The following ACER3 variants were observed in gnomAD, a reference collection of about 807,000 sequenced individuals.
ACER3 encodes the protein alkaline ceramidase 3.
In ACER3, 16 loss-of-function variants were observed where a neutral mutation model predicts 48.9. That is an observed-to-expected ratio of 0.33 (90% confidence interval 0.22 to 0.50). The LOEUF is 0.50. Ranked by LOEUF, ACER3 falls within the 20% of genes least tolerant of loss-of-function variation. ACER3 has a pLI of 0.98. For missense variants in ACER3, 227 were observed against 326.0 expected (o/e 0.70, Z 2.34); for synonymous variants, 109 against 107.8 (o/e 1.01, Z -0.07).
chr11:76,881,224 C>T (rs867531081), intron 1 of ACER3, among the ~76,000 whole-genome samples: 66 of 149,214 alleles, frequency 4.4e-4, no homozygotes, highest in African/African-American at 7.7e-4. Context: ...CACTGCACTC[C>T]GGCCTGGATG....
chr11:76,986,399 G>C (rs140186721), intron 5 of ACER3, among the ~76,000 whole-genome samples: 398 of 152,326 alleles, frequency 2.6e-3, no homozygotes, highest in Non-Finnish European at 4.3e-3. Context: ...TCATGCATGA[G>C]TCAAGGAAAG....
chr11:77,001,269 T>C (rs1238515123), intron 7 of ACER3, among the ~76,000 whole-genome samples: 1 of 152,198 alleles, frequency 6.6e-6, no homozygotes, highest in Non-Finnish European at 1.5e-5. Context: ...TTTTTTGCTT[T>C]TTTTGAGACA....
chr11:76,882,664 C>G (rs1945558926), intron 1 of ACER3, among the ~76,000 whole-genome samples: 1 of 152,140 alleles, frequency 6.6e-6, no homozygotes, highest in African/African-American at 2.4e-5. Context: ...AACCATTTTC[C>G]TGGTTCTTCA....
intron 3 of ACER3, among the ~76,000 whole-genome samples, chr11:76,965,278 C>T (rs549540100): frequency 8.6e-5 from 13 of 151,254 alleles, no homozygotes; most frequent in South Asian, 4.1e-4. Flanking sequence ...TAAAAAGAAA[C>T]GAACAAAGCC....
intron 1 of ACER3, among the ~76,000 whole-genome samples, chr11:76,886,355 G>A (rs982806829): frequency 6.6e-6 from 1 of 152,192 alleles, no homozygotes; most frequent in Non-Finnish European, 1.5e-5. Context: ...GTAGACCATG[G>A]TAAAGAGATT....
chr11:76,878,761 C>T (rs1403195968), intron 1 of ACER3, among the ~76,000 whole-genome samples: 2 of 152,200 alleles, frequency 1.3e-5, no homozygotes, highest in Non-Finnish European at 2.9e-5. Flanking sequence ...TTTTTCTCCA[C>T]AGTGATGTAT....
At chr11:76,979,816 G>T (rs1948540120) in intron 4 of ACER3, among the ~76,000 whole-genome samples, 1 of 147,722 alleles carries the variant, frequency 6.8e-6, no homozygotes, top group South Asian at 2.2e-4. Context: ...AAATGAGTGT[G>T]ACTATGTTCC....
At chr11:76,866,736 T>C (rs57505872) in intron 1 of ACER3, among the ~76,000 whole-genome samples, 16,495 of 152,220 alleles carry the variant, frequency 0.11, 2,957 homozygotes, top group African/African-American at 0.37. Flanking sequence ...CACTGAGTCT[T>C]GGAGAAGTTA....
At chr11:76,927,750 G>C (rs1946870479) in intron 2 of ACER3, among the ~76,000 whole-genome samples, 1 of 151,984 alleles carries the variant, frequency 6.6e-6, no homozygotes, top group South Asian at 2.1e-4. Flanking sequence ...GAGAATGATG[G>C]TTTCCAACTT....
chr11:76,884,843 A>T (rs1442613670), intron 1 of ACER3, among the ~76,000 whole-genome samples: 1 of 151,990 alleles, frequency 6.6e-6, no homozygotes, highest in Non-Finnish European at 1.5e-5. Flanking sequence ...AGTTCACTGC[A>T]GCCTTGACTT....
intron 2 of ACER3, among the ~76,000 whole-genome samples, chr11:76,938,758 T>C (rs1465953213): frequency 6.6e-6 from 1 of 152,140 alleles, no homozygotes; most frequent in African/African-American, 2.4e-5. Context: ...ATTTTTTTTA[T>C]TGATTTCAAA....
intron 7 of ACER3, among the ~76,000 whole-genome samples, chr11:77,007,722 A>G (rs575256773): frequency 6.6e-6 from 1 of 152,272 alleles, no homozygotes; most frequent in Admixed American, 6.5e-5. Context: ...GGAATAAGGA[A>G]CTAATTACTG....
At chr11:76,969,957 TAAA>T (rs35822676) in intron 3 of ACER3, among the ~76,000 whole-genome samples, 1 of 149,116 alleles carries the variant, frequency 6.7e-6, no homozygotes. Context: ...ATAATAAAAT[TAAA>T]AAAAAAAGAA....
At chr11:77,009,821 AAGAGAG>A (rs141987581) in intron 7 of ACER3, among the ~76,000 whole-genome samples, 11 of 151,138 alleles carry the variant, frequency 7.3e-5, no homozygotes, top group Admixed American at 2.6e-4. Context: ...AATAAAAAGA[AAGAGAG>A]AGAGAGAGAG....
At chr11:76,929,551 A>G (rs573134316) in intron 2 of ACER3, among the ~76,000 whole-genome samples, 15 of 152,154 alleles carry the variant, frequency 9.9e-5, no homozygotes, top group East Asian at 1.9e-4. Flanking sequence ...GTTTTCAAAG[A>G]GAATGCTTCC....
intron 3 of ACER3, among the ~76,000 whole-genome samples, chr11:76,963,120 T>C (rs516367): frequency 1 from 151,248 of 151,258 alleles, 75,619 homozygotes; most frequent in Non-Finnish European, 1. Context: ...CATAGAAGCC[T>C]TTTGCTCTTT....
intron 7 of ACER3, among the ~76,000 whole-genome samples, chr11:77,012,386 C>G (rs1555022356): frequency 7.0e-6 from 1 of 143,024 alleles, no homozygotes. Flanking sequence ...CCACTGTACT[C>G]CAGCCTGGCA....
chr11:76,878,056 A>T (rs758148213), intron 1 of ACER3, among the ~76,000 whole-genome samples: 1 of 151,994 alleles, frequency 6.6e-6, no homozygotes, highest in Non-Finnish European at 1.5e-5. Flanking sequence ...GTATGAATAC[A>T]TTCATTTATC....
chr11:76,921,609 C>A (rs1210965203), intron 1 of ACER3, among the ~76,000 whole-genome samples: 1 of 152,124 alleles, frequency 6.6e-6, no homozygotes, highest in African/African-American at 2.4e-5. Context: ...AGTGTAAATA[C>A]TCCAGGTTTG....
Sources: allele counts gnomAD v4.1 joint callset (sites outside exome capture counted in the v4.1 genomes callset), GRCh38; gene constraint gnomAD v4.1.1; transcripts MANE v1.5; gene names NCBI Gene and HGNC (gene_info 2026-07-23, HGNC 2026-07-21).